The following LRRTM4 variants were observed in gnomAD, a reference collection of about 807,000 sequenced individuals.
LRRTM4 encodes the protein leucine-rich repeat transmembrane neuronal protein 4.
In LRRTM4, 25 loss-of-function variants were observed where a neutral mutation model predicts 47.6. The observed-to-expected ratio is 0.53, with a 90% CI of 0.38 to 0.73. The LOEUF is 0.73. LRRTM4 is among the 30% of genes least tolerant of loss of function. The pLI, the probability that LRRTM4 is intolerant of heterozygous loss-of-function variation, is 0.00. For missense variants in LRRTM4, 638 were observed against 713.4 expected (o/e 0.89, Z 1.20); for synonymous variants, 311 against 269.5 (o/e 1.15, Z -1.51).
chr2:77,256,756 A>T (rs966858099), intron 3 of LRRTM4, among the ~76,000 whole-genome samples: 1 of 152,102 alleles, frequency 6.6e-6, no homozygotes, highest in Non-Finnish European at 1.5e-5. Context: ...ATGAAAACAG[A>T]CTAATGCAAT....
At chr2:77,452,061 C>T (rs932742971) in intron 3 of LRRTM4, among the ~76,000 whole-genome samples, 2 of 151,988 alleles carry the variant, frequency 1.3e-5, no homozygotes, top group African/African-American at 4.8e-5. Context: ...TGTAGCTTCT[C>T]CTTATAGACC....
At chr2:77,194,199 G>A (rs533356023) in intron 3 of LRRTM4, among the ~76,000 whole-genome samples, 1 of 152,016 alleles carries the variant, frequency 6.6e-6, no homozygotes, top group Non-Finnish European at 1.5e-5. Flanking sequence ...TCTTGAGTAT[G>A]GCAGAGAAGA....
chr2:76,970,408 T>TCC (rs1160963083), intron 3 of LRRTM4, among the ~76,000 whole-genome samples: 8 of 152,032 alleles, frequency 5.3e-5, no homozygotes, highest in African/African-American at 1.9e-4. Flanking sequence ...TCAGGATACC[T>TCC]CCTTTTGGTT....
intron 3 of LRRTM4, among the ~76,000 whole-genome samples, chr2:76,842,751 G>T (rs1248151313): frequency 1.3e-5 from 2 of 152,068 alleles, no homozygotes; most frequent in African/African-American, 2.4e-5. Context: ...CTGTTTTTAA[G>T]TTCTGGGATA....
intron 3 of LRRTM4, among the ~76,000 whole-genome samples, chr2:77,046,209 C>T (rs1243361803): frequency 1.3e-5 from 2 of 151,906 alleles, no homozygotes; most frequent in South Asian, 2.1e-4. Context: ...TTTTACACTG[C>T]AATAGAACCA....
intron 3 of LRRTM4, among the ~76,000 whole-genome samples, chr2:77,254,057 T>TCATA (rs1382011324): frequency 6.6e-6 from 1 of 151,910 alleles, no homozygotes; most frequent in Non-Finnish European, 1.5e-5. Flanking sequence ...CACACATACA[T>TCATA]CATACATACA....
intron 1 of LRRTM4, 128 bp downstream of exon 1, chr2:77,521,981 A>T: frequency 1.5e-6 from 1 of 653,748 alleles, no homozygotes; most frequent in Non-Finnish European, 2.8e-6. Flanking sequence ...GGCTCTGAGG[A>T]CCATTGTGTA....
intron 3 of LRRTM4, among the ~76,000 whole-genome samples, chr2:77,229,774 A>G (rs1350928571): frequency 6.6e-6 from 1 of 152,102 alleles, no homozygotes; most frequent in Non-Finnish European, 1.5e-5. Flanking sequence ...TTTGTACTAG[A>G]AGTTTCTTCT....
intron 3 of LRRTM4, among the ~76,000 whole-genome samples, chr2:77,136,181 C>T (rs1020809347): frequency 2.6e-5 from 4 of 152,160 alleles, no homozygotes; most frequent in Non-Finnish European, 4.4e-5. Flanking sequence ...ACTGCCTCCT[C>T]AAGTGGGTCC....
Position 77,241,241 on chromosome 2 carries a change from CACACAT to C in LRRTM4, c.1551+277071_1551+277076del, listed in dbSNP as rs1483760715. ...ACACACACACACACACACACACACA[CACACAT>C]GGGTCTAGAAACAAACCTAAATATA... On this transcript the variant is annotated intron_variant, in intron 3 of 3. Transcript: ENST00000409884. Among the ~76,000 whole-genome samples, 24 of 35,474 alleles carry C rather than the reference CACACAT, an allele frequency of 6.8e-4. 1 individual carries two copies. The highest frequency in any genetic ancestry group is 1.0e-3 in the African/African-American group (12 of 12,046). 23.3% of individuals were successfully genotyped at this position (35,474 alleles called of 152,430 possible).
chr2:77,375,615 G>A (rs1672807721), intron 3 of LRRTM4, among the ~76,000 whole-genome samples: 1 of 151,558 alleles, frequency 6.6e-6, no homozygotes, highest in South Asian at 2.1e-4. Context: ...CCAGCCCCTT[G>A]CAAGCACCAT....
At chr2:76,855,322 G>A (rs1672117223) in intron 3 of LRRTM4, among the ~76,000 whole-genome samples, 1 of 152,154 alleles carries the variant, frequency 6.6e-6, no homozygotes, top group Admixed American at 6.5e-5. Context: ...AATTATGAAT[G>A]CCCTGCCTTA....
chr2:77,309,353 A>C (rs1397656292), intron 3 of LRRTM4, among the ~76,000 whole-genome samples: 2 of 152,224 alleles, frequency 1.3e-5, no homozygotes, highest in African/African-American at 4.8e-5. Flanking sequence ...CTTCTAAGCT[A>C]TGTAAAAACA....
intron 3 of LRRTM4, among the ~76,000 whole-genome samples, chr2:76,857,685 T>C (rs1180246078): frequency 6.6e-6 from 1 of 152,192 alleles, no homozygotes; most frequent in African/African-American, 2.4e-5. Context: ...TGATTATTAC[T>C]GTTTTGGCAA....
intron 3 of LRRTM4, among the ~76,000 whole-genome samples, chr2:77,235,343 A>G (rs12616580): frequency 0.12 from 17,805 of 152,004 alleles, 1,564 homozygotes; most frequent in East Asian, 0.33. Context: ...TCTGAGAAGT[A>G]TCTGTTCATT....
intron 3 of LRRTM4, among the ~76,000 whole-genome samples, chr2:77,436,807 T>C (rs1428845602): frequency 6.6e-6 from 1 of 151,980 alleles, no homozygotes; most frequent in Non-Finnish European, 1.5e-5. Context: ...GGCAATGTTT[T>C]ATTGGTATAG....
chr2:76,895,157 A>G (rs1042943534), intron 3 of LRRTM4, among the ~76,000 whole-genome samples: 4 of 151,970 alleles, frequency 2.6e-5, no homozygotes, highest in Non-Finnish European at 1.5e-5. Flanking sequence ...TTGCATTTCT[A>G]TTTGTAACTT....
intron 3 of LRRTM4, among the ~76,000 whole-genome samples, chr2:76,816,144 G>A (rs746920401): frequency 6.6e-6 from 1 of 152,016 alleles, no homozygotes; most frequent in Non-Finnish European, 1.5e-5. Context: ...GACCTTGCTG[G>A]TATCAGACAG....
intron 3 of LRRTM4, among the ~76,000 whole-genome samples, chr2:77,368,692 G>A (rs986698459): frequency 3.3e-5 from 5 of 151,840 alleles, no homozygotes; most frequent in Admixed American, 2.0e-4. Flanking sequence ...AATAAGGAAT[G>A]GCTCTTGGTT....
Sources: gnomAD v4.1 joint callset for allele counts (sites outside exome capture counted in the v4.1 genomes callset) on GRCh38, gnomAD v4.1.1 for gene constraint, MANE v1.5 for transcripts, NCBI Gene and HGNC (gene_info 2026-07-23, HGNC 2026-07-21) for gene names.